Variants in CADM2 observed in about 807,000 individuals in gnomAD.
The protein encoded by CADM2 is immunoglobulin superfamily member 4D.
Under a neutral mutation model 49.8 loss-of-function variants are expected in CADM2, and 12 were observed. That is an observed-to-expected ratio of 0.24 (90% CI 0.15 to 0.39). The LOEUF (loss-of-function observed/expected upper bound fraction) is 0.39. CADM2 is among the 10% of genes least tolerant of loss of function. CADM2 has a pLI of 1.00. For synonymous variants in CADM2, 214 were observed against 175.4 expected, an observed-to-expected ratio of 1.22 and a Z score of -1.74; for missense variants, 378 against 492.3, an observed-to-expected ratio of 0.77 and a Z score of 2.20.
At chr3:85,166,107 A>G (rs2040464502) in intron 1 of CADM2, among the ~76,000 whole-genome samples, 1 of 151,844 alleles carries the variant, frequency 6.6e-6, no homozygotes, top group Non-Finnish European at 1.5e-5. Context: ...TTATAAAGCT[A>G]GAAATAAAAT....
intron 1 of CADM2, among the ~76,000 whole-genome samples, chr3:85,668,714 T>C (rs147724267): frequency 6.6e-6 from 1 of 152,270 alleles, no homozygotes. Flanking sequence ...TATGGAACTG[T>C]AAGTCCATTA....
intron 3 of CADM2, among the ~76,000 whole-genome samples, chr3:85,845,645 T>C (rs1052545692): frequency 2.0e-5 from 3 of 152,096 alleles, no homozygotes; most frequent in Admixed American, 2.0e-4. Context: ...CCAAGTTAGA[T>C]TATGTCAGAT....
At chr3:85,715,329 A>G (rs1476697074) in intron 1 of CADM2, among the ~76,000 whole-genome samples, 1 of 152,212 alleles carries the variant, frequency 6.6e-6, no homozygotes, top group Admixed American at 6.5e-5. Context: ...ATGAGCAAAA[A>G]GTATTTTTTT....
intron 1 of CADM2, among the ~76,000 whole-genome samples, chr3:85,710,479 T>C (rs562417271): frequency 6.6e-6 from 1 of 152,306 alleles, no homozygotes; most frequent in East Asian, 1.9e-4. Context: ...TTATATTATC[T>C]TGACTTGAAT....
chr3:85,967,059 C>A lies in CADM2; in HGVS notation c.970+5412C>A, dbSNP rs535261984. On this transcript the variant is annotated intron_variant, in intron 8 of 9. Transcript: ENST00000383699. The stretch of plus-strand genomic sequence containing the variant: ...TAAGAATCAATAAGATTGCTACTTT[C>A]ATTTCACTCAGCTTTTATTGTTAAT... Among the ~76,000 whole-genome samples the A allele has an allele frequency of 5.9e-5, 9 of 151,762 alleles. No individual in the cohort carries two copies. The South Asian group carries it at 1.7e-3, about 28-fold the overall frequency.
intron 1 of CADM2, among the ~76,000 whole-genome samples, chr3:85,098,157 C>A (rs2037873961): frequency 6.6e-6 from 1 of 150,642 alleles, no homozygotes; most frequent in Non-Finnish European, 1.5e-5. Context: ...TGCATTCTGG[C>A]ATAGGAAGAA....
At chr3:85,637,399 G>A (rs1325181938) in intron 1 of CADM2, among the ~76,000 whole-genome samples, 1 of 150,132 alleles carries the variant, frequency 6.7e-6, no homozygotes, top group African/African-American at 2.5e-5. Context: ...TCAGGAGATC[G>A]AGACCATCCT....
intron 1 of CADM2, among the ~76,000 whole-genome samples, chr3:85,008,925 G>A (rs905693146): frequency 4.6e-5 from 7 of 152,132 alleles, no homozygotes; most frequent in African/African-American, 1.7e-4. Context: ...TTTAGAGAAA[G>A]CATAGCAAGA....
At chr3:85,562,043 T>G (rs923594304) in intron 1 of CADM2, among the ~76,000 whole-genome samples, 3 of 152,134 alleles carry the variant, frequency 2.0e-5, no homozygotes, top group Non-Finnish European at 2.9e-5. Context: ...GTTAAAGAAC[T>G]TTCCATAAAA....
chr3:85,566,215 C>T (rs1014224254), intron 1 of CADM2, among the ~76,000 whole-genome samples: 29 of 152,090 alleles, frequency 1.9e-4, no homozygotes, highest in African/African-American at 5.8e-4. Context: ...GATCTTATCT[C>T]TCCTACTTGC....
intron 1 of CADM2, among the ~76,000 whole-genome samples, chr3:85,492,791 T>A (rs75623811): frequency 7.1e-6 from 1 of 140,290 alleles, no homozygotes; most frequent in African/African-American, 2.5e-5. Context: ...ACACTTTTTT[T>A]AAAAAGAGGT....
intron 1 of CADM2, among the ~76,000 whole-genome samples, chr3:85,110,092 A>G (rs768491131): frequency 7.9e-5 from 12 of 151,968 alleles, no homozygotes; most frequent in Non-Finnish European, 1.5e-4. Flanking sequence ...AATGTTGTGC[A>G]GCAATTTCAT....
intron 8 of CADM2, among the ~76,000 whole-genome samples, chr3:86,030,149 T>G (rs1490954323): frequency 1.3e-5 from 2 of 152,006 alleles, no homozygotes; most frequent in Non-Finnish European, 2.9e-5. Flanking sequence ...TTAAAGAGAA[T>G]GTTTTTATTA....
chr3:85,701,329 A>G (rs1024730674), intron 1 of CADM2, among the ~76,000 whole-genome samples: 2 of 152,152 alleles, frequency 1.3e-5, no homozygotes, highest in Non-Finnish European at 2.9e-5. Flanking sequence ...ACAACATGAG[A>G]TTTGGGTAGG....
At chr3:85,071,775 A>G (rs2036752534) in intron 1 of CADM2, among the ~76,000 whole-genome samples, 1 of 152,032 alleles carries the variant, frequency 6.6e-6, no homozygotes, top group South Asian at 2.1e-4. Flanking sequence ...AATAAAAGCA[A>G]CAGAATCCAA....
chr3:85,552,529 C>A (rs1310256080), intron 1 of CADM2, among the ~76,000 whole-genome samples: 1 of 148,324 alleles, frequency 6.7e-6, no homozygotes, highest in Non-Finnish European at 1.5e-5. Context: ...TACAGGCGCC[C>A]GCCACCATGC....
intron 1 of CADM2, among the ~76,000 whole-genome samples, chr3:85,535,385 A>G (rs889263957): frequency 6.6e-6 from 1 of 152,144 alleles, no homozygotes; most frequent in African/African-American, 2.4e-5. Flanking sequence ...GCCCTAAGTA[A>G]CAGACTCTTA....
At chr3:85,643,616 A>G (rs370620897) in intron 1 of CADM2, among the ~76,000 whole-genome samples, 1 of 152,166 alleles carries the variant, frequency 6.6e-6, no homozygotes, top group African/African-American at 2.4e-5. Context: ...AGTAGAATCA[A>G]CTATGCTGAA....
intron 1 of CADM2, among the ~76,000 whole-genome samples, chr3:85,057,249 A>G (rs2036115629): frequency 1.3e-5 from 2 of 152,134 alleles, no homozygotes; most frequent in African/African-American, 2.4e-5. Context: ...ATACATAAAC[A>G]TCAGCAGAAA....
Sources: allele counts gnomAD v4.1 joint callset (sites outside exome capture counted in the v4.1 genomes callset), GRCh38; gene constraint gnomAD v4.1.1; transcripts MANE v1.5; gene names NCBI Gene and HGNC (gene_info 2026-07-23, HGNC 2026-07-21).